BACH2: variants seen among roughly 807,000 people sequenced by gnomAD.
The protein encoded by BACH2 is transcription regulator protein BACH2.
Under a neutral mutation model 61.8 loss-of-function variants are expected in BACH2, and 5 were observed. The ratio of observed to expected loss-of-function variants is 0.08; its 90% CI spans 0.04 to 0.17. The LOEUF is 0.17. Among genes scored for constraint, BACH2 ranks in the 10% least tolerant of loss-of-function variants. The pLI is 1.00. For synonymous variants in BACH2, 446 were observed against 440.1 expected, an observed-to-expected ratio of 1.01 and a Z score of -0.17; for missense variants, 824 against 1,091.1, an observed-to-expected ratio of 0.76 and a Z score of 3.45.
In BACH2 at chr6:90,077,287, C is replaced by T. The variant is rs1025323900; in HGVS notation, c.-13+11674G>A. Among the ~76,000 whole-genome samples the T allele has an allele frequency of 2.4e-4, 36 of 151,986 alleles. 1 individual carries two copies. The highest frequency in any genetic ancestry group is 4.1e-4 in the South Asian group (2 of 4,820). ...CTATGGCAAAGGGCAAGAGGGACGG[C>T]GAAGATAATGGGGAATATATGAGTG... On this transcript the variant is annotated intron_variant, in intron 5 of 8. Coordinates refer to ENST00000257749, the MANE Select transcript of BACH2 (RefSeq NM_021813.4).
chr6:89,975,970 C>T (rs1233511036), intron 6 of BACH2, among the ~76,000 whole-genome samples: 2 of 152,230 alleles, frequency 1.3e-5, no homozygotes, highest in African/African-American at 4.8e-5. Flanking sequence ...GACAGACACA[C>T]ATACATATAA....
intron 5 of BACH2, among the ~76,000 whole-genome samples, chr6:90,033,432 AG>A (rs1423766688): frequency 6.6e-6 from 1 of 151,816 alleles, no homozygotes; most frequent in African/African-American, 2.4e-5. Context: ...AATGTGCTTT[AG>A]TTCTACTCAC....
intron 1 of BACH2, among the ~76,000 whole-genome samples, chr6:90,285,242 T>C (rs1160795658): frequency 1.3e-5 from 2 of 152,194 alleles, no homozygotes; most frequent in African/African-American, 2.4e-5. Context: ...TTTTGTTTTT[T>C]AACCTCAATA....
At chr6:90,103,006 C>CATATATATAT (rs1250122835) in intron 4 of BACH2, among the ~76,000 whole-genome samples, 16 of 44,934 alleles carry the variant, frequency 3.6e-4, no homozygotes, top group South Asian at 2.0e-3. Flanking sequence ...TGACACAATA[C>CATATATATAT]ATATATATAT....
At chr6:89,967,105 G>A (rs1259674412) in intron 6 of BACH2, among the ~76,000 whole-genome samples, 5 of 152,166 alleles carry the variant, frequency 3.3e-5, no homozygotes, top group African/African-American at 1.2e-4. Context: ...GCTGAAACAC[G>A]CTTTTCACAC....
At chr6:90,181,420 A>G (rs1208001465) in intron 4 of BACH2, among the ~76,000 whole-genome samples, 1 of 151,970 alleles carries the variant, frequency 6.6e-6, no homozygotes, top group East Asian at 1.9e-4. Flanking sequence ...GGAGAAGGGA[A>G]AAGAGGAGGA....
intron 4 of BACH2, among the ~76,000 whole-genome samples, chr6:90,091,024 G>T (rs2127808166): frequency 6.6e-6 from 1 of 152,268 alleles, no homozygotes; most frequent in African/African-American, 2.4e-5. Context: ...AACGCCAAGT[G>T]CATTGGTAAC....
At chr6:90,128,878 A>G (rs1234580794) in intron 4 of BACH2, among the ~76,000 whole-genome samples, 1 of 152,206 alleles carries the variant, frequency 6.6e-6, no homozygotes, top group Non-Finnish European at 1.5e-5. Context: ...AATACTATGC[A>G]GCCATAAAAA....
intron 4 of BACH2, among the ~76,000 whole-genome samples, chr6:90,194,820 C>T (rs569656504): frequency 3.3e-5 from 5 of 152,266 alleles, no homozygotes; most frequent in East Asian, 3.9e-4. Context: ...GGCTATTGTT[C>T]AGATTAAACT....
intron 4 of BACH2, among the ~76,000 whole-genome samples, chr6:90,164,448 G>A (rs1318618223): frequency 1.3e-5 from 2 of 151,610 alleles, no homozygotes; most frequent in African/African-American, 4.8e-5. Context: ...AAAAGTCCAG[G>A]ACCAGATGGA....
intron 1 of BACH2, among the ~76,000 whole-genome samples, chr6:90,273,322 C>T (rs1176260611): frequency 6.6e-6 from 1 of 152,142 alleles, no homozygotes; most frequent in South Asian, 2.1e-4. Context: ...CATACCACTG[C>T]ACTCCAGCCT....
At chr6:89,961,069 C>A (rs968948170) in intron 6 of BACH2, among the ~76,000 whole-genome samples, 1 of 152,078 alleles carries the variant, frequency 6.6e-6, no homozygotes, top group Non-Finnish European at 1.5e-5. Context: ...TCATATGTGG[C>A]GCTCATAATT....
intron 4 of BACH2, among the ~76,000 whole-genome samples, chr6:90,112,197 C>T (rs1394803935): frequency 6.6e-6 from 1 of 152,180 alleles, no homozygotes; most frequent in Non-Finnish European, 1.5e-5. Context: ...TCCAGGCCAT[C>T]TTCTGCAATG....
At chr6:90,058,838 A>C (rs1290125881) in intron 5 of BACH2, among the ~76,000 whole-genome samples, 1 of 152,230 alleles carries the variant, frequency 6.6e-6, no homozygotes, top group Non-Finnish European at 1.5e-5. Flanking sequence ...CAACTATCTG[A>C]TCTTTGACAA....
Position 90,033,701 on chromosome 6 carries a change from T to TA in BACH2, c.-12-24846dup, listed in dbSNP as rs372702780. On this transcript the variant is annotated intron_variant, in intron 5 of 8. Transcript: ENST00000257749. ...TTGAAAGAAAAAGATGCTCACCTGTTAAAAAAAAACGTAAGTTTCTAAAGG... is the reference window on the plus strand; with the variant it reads ...TTGAAAGAAAAAGATGCTCACCTGTTAAAAAAAAAACGTAAGTTTCTAAAGG... 5.7e-3 allele frequency among the ~76,000 whole-genome samples: 864 copies of TA among 150,756 alleles called. 8 individuals are homozygous for TA. The highest frequency in any genetic ancestry group is 0.018 in the African/African-American group (751 of 41,078).
chr6:90,260,016 T>C (rs764207436), intron 2 of BACH2, among the ~76,000 whole-genome samples: 12 of 152,144 alleles, frequency 7.9e-5, no homozygotes, highest in Non-Finnish European at 5.9e-5. Flanking sequence ...CTTAAGTTTA[T>C]TGATTCTTCC....
intron 6 of BACH2, among the ~76,000 whole-genome samples, chr6:89,955,991 A>C (rs754115322): frequency 6.6e-6 from 1 of 152,208 alleles, no homozygotes; most frequent in South Asian, 2.1e-4. Flanking sequence ...ATAGAAGAAT[A>C]GTTCCAACTC....
At chr6:90,113,810 A>G (rs1433536546) in intron 4 of BACH2, among the ~76,000 whole-genome samples, 3 of 152,204 alleles carry the variant, frequency 2.0e-5, no homozygotes, top group African/African-American at 7.2e-5. Context: ...AGATCCAAAT[A>G]AACGCAATTA....
At chr6:90,236,860 T>A (rs1032401187) in intron 3 of BACH2, among the ~76,000 whole-genome samples, 3 of 152,128 alleles carry the variant, frequency 2.0e-5, no homozygotes, top group Admixed American at 6.5e-5. Context: ...TACATGCACT[T>A]ATACTATGTC....
Sources: gnomAD v4.1 joint callset for allele counts (sites outside exome capture counted in the v4.1 genomes callset) on GRCh38, gnomAD v4.1.1 for gene constraint, MANE v1.5 for transcripts, NCBI Gene and HGNC (gene_info 2026-07-23, HGNC 2026-07-21) for gene names.